PLXDC2: variants seen among roughly 807,000 people sequenced by gnomAD.
PLXDC2 encodes the protein plexin domain containing 2.
A neutral mutation model predicts 68.9 loss-of-function variants in PLXDC2; 40 were observed. The ratio of observed to expected loss-of-function variants is 0.58; its 90% CI spans 0.45 to 0.76. The LOEUF is 0.76. Ranked by LOEUF, PLXDC2 falls within the 30% of genes least tolerant of loss-of-function variation. The pLI is 0.00. For missense variants in PLXDC2, 644 were observed against 661.9 expected, an observed-to-expected ratio of 0.97 and a Z score of 0.30; for synonymous variants, 243 against 234.2, an observed-to-expected ratio of 1.04 and a Z score of -0.34.
chr10:20,041,906 A>G (rs187824567), intron 2 of PLXDC2, among the ~76,000 whole-genome samples: 15 of 152,272 alleles, frequency 9.9e-5, no homozygotes, highest in Admixed American at 6.5e-4. Flanking sequence ...TTACAAGGAC[A>G]CTAATCCTAT....
intron 1 of PLXDC2, among the ~76,000 whole-genome samples, chr10:19,821,926 TTC>T (rs1271167235): frequency 6.6e-6 from 1 of 152,160 alleles, no homozygotes; most frequent in Non-Finnish European, 1.5e-5. Context: ...TTAAAAAAAA[TTC>T]TTTGTTTTCA....
At chr10:20,030,885 C>T (rs943464961) in intron 2 of PLXDC2, among the ~76,000 whole-genome samples, 7 of 152,204 alleles carry the variant, frequency 4.6e-5, no homozygotes, top group African/African-American at 9.6e-5. Flanking sequence ...TGAGATCTGC[C>T]GTGAAGAAAT....
chr10:19,882,037 A>C (rs1165353647), intron 1 of PLXDC2, among the ~76,000 whole-genome samples: 2 of 152,226 alleles, frequency 1.3e-5, no homozygotes, highest in African/African-American at 4.8e-5. Context: ...TCATGTGTTA[A>C]TACTTGACAT....
At chr10:19,948,198 C>T (rs1017227844) in intron 1 of PLXDC2, among the ~76,000 whole-genome samples, 1 of 152,102 alleles carries the variant, frequency 6.6e-6, no homozygotes, top group Non-Finnish European at 1.5e-5. Context: ...AGGCTCCAGA[C>T]ATTCAGCATA....
chr10:19,828,553 G>T (rs529302531), intron 1 of PLXDC2, among the ~76,000 whole-genome samples: 1 of 152,172 alleles, frequency 6.6e-6, no homozygotes, highest in South Asian at 2.1e-4. Flanking sequence ...TTATTTCTTG[G>T]TTGTTTAGCC....
chr10:20,126,480 TATA>T (rs1833784875), intron 4 of PLXDC2, among the ~76,000 whole-genome samples: 1 of 41,800 alleles, frequency 2.4e-5, no homozygotes, highest in South Asian at 4.2e-4. Flanking sequence ...TATATGTATA[TATA>T]ACACACACGT....
intron 1 of PLXDC2, among the ~76,000 whole-genome samples, chr10:19,949,631 T>C (rs561133709): frequency 6.6e-6 from 1 of 152,344 alleles, no homozygotes; most frequent in South Asian, 2.1e-4. Flanking sequence ...TAATATATAC[T>C]GATTTGCTGT....
At chr10:19,967,510 G>A (rs1189965274) in intron 1 of PLXDC2, among the ~76,000 whole-genome samples, 1 of 151,630 alleles carries the variant, frequency 6.6e-6, no homozygotes, top group Admixed American at 6.6e-5. Context: ...CCTAATCTTC[G>A]AACTAGAAAA....
intron 4 of PLXDC2, among the ~76,000 whole-genome samples, chr10:20,135,338 T>C (rs1007947882): frequency 2.0e-5 from 3 of 152,164 alleles, no homozygotes; most frequent in Non-Finnish European, 4.4e-5. Context: ...AGTCTAGAAA[T>C]GGTTCTGAAT....
At chr10:19,972,524 T>G (rs1272624519) in intron 1 of PLXDC2, among the ~76,000 whole-genome samples, 1 of 152,100 alleles carries the variant, frequency 6.6e-6, no homozygotes. Context: ...AGAAATAATT[T>G]GTACAGCAAA....
intron 2 of PLXDC2, among the ~76,000 whole-genome samples, chr10:20,009,132 A>G (rs1835070692): frequency 6.6e-6 from 1 of 152,214 alleles, no homozygotes; most frequent in Admixed American, 6.5e-5. Context: ...TAATGAATGT[A>G]ACTATAAAGG....
intron 1 of PLXDC2, among the ~76,000 whole-genome samples, chr10:19,834,313 CAGAGAAAGAGAGAGGTAGAGAGAGAG>C (rs1484059489): frequency 4.7e-5 from 7 of 149,884 alleles, no homozygotes; most frequent in Admixed American, 6.7e-5. Flanking sequence ...CACAAAATCA[CAGAGAAAGAGAGAGGTAGAGAGAGAG>C]AGAGAGAGAG....
chr10:19,986,324 G>T (rs1391983825), intron 1 of PLXDC2, among the ~76,000 whole-genome samples: 1 of 151,824 alleles, frequency 6.6e-6, no homozygotes, highest in Non-Finnish European at 1.5e-5. Flanking sequence ...CTTAGAAACT[G>T]GAATTTACAT....
intron 4 of PLXDC2, among the ~76,000 whole-genome samples, chr10:20,105,397 C>T (rs762916088): frequency 6.6e-6 from 1 of 152,162 alleles, no homozygotes; most frequent in Non-Finnish European, 1.5e-5. Context: ...CTAGTGGTAA[C>T]ACTGCCAACC....
intron 1 of PLXDC2, among the ~76,000 whole-genome samples, chr10:19,857,314 T>C (rs1212804616): frequency 6.6e-6 from 1 of 152,198 alleles, no homozygotes; most frequent in Non-Finnish European, 1.5e-5. Context: ...CTAAATCCTC[T>C]CTCGCTGTCC....
chr10:20,110,718 G>A (rs1429535697), intron 4 of PLXDC2, among the ~76,000 whole-genome samples: 2 of 152,076 alleles, frequency 1.3e-5, no homozygotes, highest in Non-Finnish European at 2.9e-5. Flanking sequence ...TCAGGATTGG[G>A]GAATCAGCAT....
Position 20,287,858 on chromosome 10 carries a change from T to G in PLXDC2, c.*8039T>G, listed in dbSNP as rs1341369687. The G allele has an allele frequency of 6.6e-6, 1 of 151,872 alleles. No individual in the cohort carries two copies. Among genetic ancestry groups the G allele is most frequent in the African/African-American group, 2.4e-5 (1 of 41,322 alleles). 9.4% of individuals were successfully genotyped at this position (151,872 alleles called of 1,614,324 possible). On this transcript the variant is annotated 3_prime_UTR_variant, in exon 14 of 14. Coordinates refer to ENST00000377252, the MANE Select transcript of PLXDC2 (RefSeq NM_032812.9). ...AAAAAAGGAGAGAGTCTTTTTTATATGCCAGCTGGGATCATGGGAACTTCG... is the reference window on the plus strand; with the variant it reads ...AAAAAAGGAGAGAGTCTTTTTTATAGGCCAGCTGGGATCATGGGAACTTCG...
At chr10:19,862,155 A>G (rs762133465) in intron 1 of PLXDC2, among the ~76,000 whole-genome samples, 1 of 152,214 alleles carries the variant, frequency 6.6e-6, no homozygotes, top group Non-Finnish European at 1.5e-5. Flanking sequence ...AATTATATGT[A>G]TAGCCGTAAT....
chr10:20,069,674 A>G (rs1483058261), intron 4 of PLXDC2, among the ~76,000 whole-genome samples: 1 of 151,764 alleles, frequency 6.6e-6, no homozygotes, highest in East Asian at 1.9e-4. Flanking sequence ...AATAAATAAA[A>G]TGAAATAATT....
Sources: allele counts gnomAD v4.1 joint callset (sites outside exome capture counted in the v4.1 genomes callset), GRCh38; gene constraint gnomAD v4.1.1; transcripts MANE v1.5; gene names NCBI Gene and HGNC (gene_info 2026-07-23, HGNC 2026-07-21).